SLC39A8: variants seen among roughly 807,000 people sequenced by gnomAD.
SLC39A8 encodes the protein metal cation symporter ZIP8.
SLC39A8 carries 15 observed loss-of-function variants against 40.4 expected under a neutral mutation model. The observed-to-expected ratio is 0.37, with a 90% CI of 0.25 to 0.57. The LOEUF (loss-of-function observed/expected upper bound fraction) is 0.57. Ranked by LOEUF, SLC39A8 falls within the 20% of genes least tolerant of loss-of-function variation. SLC39A8 has a pLI of 0.75. For missense variants in SLC39A8, 472 were observed against 558.8 expected (o/e 0.84, Z 1.57); for synonymous variants, 223 against 221.6 (o/e 1.01, Z -0.06).
intron 6 of SLC39A8, among the ~76,000 whole-genome samples, chr4:102,300,212 C>G (rs1448426961): frequency 6.6e-6 from 1 of 152,020 alleles, no homozygotes; most frequent in African/African-American, 2.4e-5. Context: ...TTAAGGAACT[C>G]TCAAATCATT....
Position 102,315,706 on chromosome 4 carries a change from T to C in SLC39A8, c.344A>G (p.Asp115Gly). ...LQQLNFHPCE[D>G]RPKHKTRPSH... ...TGGTCTTGTTTTGTGCTTGGGCCGATCCTCACATGGGTGAAAGTTCAATTG... is the reference window on the plus strand; with the variant it reads ...TGGTCTTGTTTTGTGCTTGGGCCGACCCTCACATGGGTGAAAGTTCAATTG... The change falls in exon 3 of 9, where the codon GAT becomes GGT. Residue 115 changes from aspartate (D) to glycine (G), a missense_variant. By Grantham distance (94) the Asp-to-Gly change is moderately conservative. Coordinates refer to ENST00000356736, the MANE Select transcript of SLC39A8 (RefSeq NM_001135146.2). The C allele has an allele frequency of 6.2e-7, 1 of 1,612,880 alleles. No homozygotes were observed. The highest frequency in any genetic ancestry group is 8.5e-7 in the Non-Finnish European group (1 of 1,179,328).
intron 6 of SLC39A8, among the ~76,000 whole-genome samples, chr4:102,291,351 C>G (rs559148010): frequency 6.6e-6 from 1 of 151,838 alleles, no homozygotes; most frequent in African/African-American, 2.4e-5. Flanking sequence ...CACAGCAACA[C>G]GTCCTAAATA....
intron 2 of SLC39A8, among the ~76,000 whole-genome samples, chr4:102,318,692 C>A (rs1458182653): frequency 6.6e-6 from 1 of 152,074 alleles, no homozygotes; most frequent in Non-Finnish European, 1.5e-5. Context: ...ACAAGCACAC[C>A]CTTTCACCTC....
chr4:102,259,134 C>T (rs1560521718), downstream of SLC39A8, among the ~76,000 whole-genome samples: 2 of 152,218 alleles, frequency 1.3e-5, no homozygotes, highest in Non-Finnish European at 2.9e-5. Flanking sequence ...AAAATACAGA[C>T]TGAAACAAGT....
intron 6 of SLC39A8, among the ~76,000 whole-genome samples, chr4:102,275,723 A>G (rs978727329): frequency 6.6e-6 from 1 of 152,182 alleles, no homozygotes; most frequent in African/African-American, 2.4e-5. Context: ...AAAAGAGACC[A>G]CATAATTGGA....
chr4:102,308,942 G>A (rs929994970), intron 3 of SLC39A8, among the ~76,000 whole-genome samples: 2 of 152,118 alleles, frequency 1.3e-5, no homozygotes, highest in Admixed American at 6.6e-5. Flanking sequence ...GAATCACGCA[G>A]ATAGAAAGCT....
In SLC39A8 at chr4:102,261,956, T is replaced by C. The variant is rs1731879271; in HGVS notation, c.*1088A>G. On this transcript the variant is annotated 3_prime_UTR_variant, in exon 9 of 9. Transcript: ENST00000356736. ...TAAATGAGTAAACAGGCTCTGTCTT[T>C]TATAAAAGGTAGAAAAATAACCATG... The C allele has an allele frequency of 4.1e-6, 4 of 985,822 alleles. No individual in the cohort carries two copies. In the South Asian group the frequency reaches 1.9e-4, roughly 46 times the overall value. 61.1% of individuals were successfully genotyped at this position (985,822 alleles called of 1,614,324 possible).
At chr4:102,332,121 C>T (rs1735492559) in intron 2 of SLC39A8, among the ~76,000 whole-genome samples, 1 of 152,152 alleles carries the variant, frequency 6.6e-6, no homozygotes, top group Non-Finnish European at 1.5e-5. Flanking sequence ...GACTTCATGA[C>T]TAAAACACCA....
rs1731905846 is a variant in SLC39A8, at chr4:102,262,425, A to G, written c.*619T>C. 2.0e-6 allele frequency: 2 copies of G among 985,370 alleles called. No individual in the cohort carries two copies. The highest frequency in any genetic ancestry group is 2.4e-6 in the Non-Finnish European group (2 of 829,880). 61.0% of individuals were successfully genotyped at this position (985,370 alleles called of 1,614,324 possible). A position where few individuals can be genotyped will look rare whatever the true frequency, so the allele number is the denominator to read the frequency against. On this transcript the variant is annotated 3_prime_UTR_variant, in exon 9 of 9. Coordinates refer to ENST00000356736, the MANE Select transcript of SLC39A8 (RefSeq NM_001135146.2). ...AACTTAGCAGGGCTAGCAAAACTTT[A>G]TTTATTTCCTAACTCCTATTATTTT...
downstream of SLC39A8, chr4:102,259,552 G>A: frequency 7.0e-7 from 1 of 1,424,398 alleles, no homozygotes; most frequent in Non-Finnish European, 9.7e-7. Flanking sequence ...TTATGGGGGA[G>A]AGATATAAAT....
chr4:102,341,342 A>T (rs753678885), intron 2 of SLC39A8, among the ~76,000 whole-genome samples: 48 of 152,212 alleles, frequency 3.2e-4, no homozygotes, highest in Non-Finnish European at 6.3e-4. Context: ...ATCTACACAT[A>T]AGAACTTGAA....
downstream of SLC39A8, among the ~76,000 whole-genome samples, chr4:102,257,777 C>CA (rs1731742183): frequency 6.6e-6 from 1 of 152,196 alleles, no homozygotes; most frequent in African/African-American, 2.4e-5. Flanking sequence ...TGCCACTTAC[C>CA]AACTTACTAA....
At chr4:102,316,406 G>A (rs767811376) in intron 2 of SLC39A8, among the ~76,000 whole-genome samples, 45 of 152,002 alleles carry the variant, frequency 3.0e-4, no homozygotes, top group Non-Finnish European at 1.8e-4. Flanking sequence ...AATGACGTTG[G>A]GTAACTTTTC....
At chr4:102,311,388 G>A (rs747756915) in intron 3 of SLC39A8, among the ~76,000 whole-genome samples, 1 of 151,998 alleles carries the variant, frequency 6.6e-6, no homozygotes, top group Non-Finnish European at 1.5e-5. Flanking sequence ...TTAATTCACT[G>A]TTACTCAGTG....
At chr4:102,322,066 A>G (rs1467605839) in intron 2 of SLC39A8, among the ~76,000 whole-genome samples, 1 of 152,144 alleles carries the variant, frequency 6.6e-6, no homozygotes, top group Non-Finnish European at 1.5e-5. Context: ...TTGTCCCATC[A>G]TCTAGTAACA....
chr4:102,328,237 C>A (rs1735301546), intron 2 of SLC39A8, among the ~76,000 whole-genome samples: 1 of 152,130 alleles, frequency 6.6e-6, no homozygotes, highest in African/African-American at 2.4e-5. Flanking sequence ...CCATTGTGGT[C>A]TGGCTTCTAT....
At chr4:102,322,183 G>C (rs1204208689) in intron 2 of SLC39A8, among the ~76,000 whole-genome samples, 1 of 152,120 alleles carries the variant, frequency 6.6e-6, no homozygotes, top group Non-Finnish European at 1.5e-5. Context: ...TTCTCCACTA[G>C]TCCTGCTGTG....
chr4:102,259,379 C>A, downstream of SLC39A8: 1 of 1,022,780 alleles, frequency 9.8e-7, no homozygotes, highest in Non-Finnish European at 1.5e-6. Flanking sequence ...ACAGTCACTG[C>A]AGAAGGAATT....
intron 3 of SLC39A8, among the ~76,000 whole-genome samples, chr4:102,310,635 T>G (rs1287107029): frequency 6.6e-6 from 1 of 152,132 alleles, no homozygotes; most frequent in African/African-American, 2.4e-5. Flanking sequence ...GCACACTGCA[T>G]AGCTTCCCCT....
Sources: allele counts gnomAD v4.1 joint callset (sites outside exome capture counted in the v4.1 genomes callset), GRCh38; gene constraint gnomAD v4.1.1; transcripts MANE v1.5; gene names NCBI Gene and HGNC (gene_info 2026-07-23, HGNC 2026-07-21).